Variants in CDH4 observed in about 807,000 individuals in gnomAD.
CDH4 encodes cadherin-4.
In CDH4, 33 loss-of-function variants were observed where a neutral mutation model predicts 86.0. The observed-to-expected ratio is 0.38, with a 90% CI of 0.29 to 0.51. CDH4 has a LOEUF of 0.51. Ranked by LOEUF, CDH4 falls within the 20% of genes least tolerant of loss-of-function variation. The pLI is 0.86. For synonymous variants in CDH4, 555 were observed against 549.4 expected (o/e 1.01, Z -0.14); for missense variants, 1,114 against 1,307.4 (o/e 0.85, Z 2.28).
At chr20:61,609,554 C>T (rs1269866320) in intron 2 of CDH4, among the ~76,000 whole-genome samples, 2 of 152,170 alleles carry the variant, frequency 1.3e-5, no homozygotes, top group Non-Finnish European at 2.9e-5. Context: ...GGAGGGACCT[C>T]TTGGAGAGAA....
At chr20:61,514,379 G>A (rs1184950324) in intron 2 of CDH4, among the ~76,000 whole-genome samples, 2 of 151,314 alleles carry the variant, frequency 1.3e-5, no homozygotes, top group Non-Finnish European at 2.9e-5. Context: ...TCTGGTGGGG[G>A]TCCAGGTTTC....
intron 2 of CDH4, among the ~76,000 whole-genome samples, chr20:61,277,042 C>T (rs1285470855): frequency 6.6e-6 from 1 of 152,184 alleles, no homozygotes; most frequent in Non-Finnish European, 1.5e-5. Flanking sequence ...TTCCCTGTCA[C>T]ACGCCCACCC....
At chr20:61,328,367 G>C (rs1209976825) in intron 2 of CDH4, among the ~76,000 whole-genome samples, 1 of 152,112 alleles carries the variant, frequency 6.6e-6, no homozygotes, top group African/African-American at 2.4e-5. Flanking sequence ...AGTAGAGATG[G>C]GGTTTCACTG....
At chr20:61,551,859 G>C (rs1021156941) in intron 2 of CDH4, among the ~76,000 whole-genome samples, 1 of 152,162 alleles carries the variant, frequency 6.6e-6, no homozygotes, top group Non-Finnish European at 1.5e-5. Context: ...TTTGACAAAG[G>C]TGCCAAAACC....
chr20:61,340,347 G>T (rs2084643503), intron 2 of CDH4, among the ~76,000 whole-genome samples: 1 of 152,222 alleles, frequency 6.6e-6, no homozygotes, highest in Non-Finnish European at 1.5e-5. Flanking sequence ...CAGGGAGCCA[G>T]CTGCCAGCCT....
intron 4 of CDH4, among the ~76,000 whole-genome samples, chr20:61,839,665 GTGTA>G (rs1600701688): frequency 1.3e-5 from 2 of 152,036 alleles, no homozygotes; most frequent in East Asian, 1.9e-4. Context: ...GTTTGTGTAT[GTGTA>G]TGGTGTCTGT....
intron 2 of CDH4, among the ~76,000 whole-genome samples, chr20:61,546,876 G>A (rs2086091190): frequency 1.3e-5 from 2 of 152,268 alleles, no homozygotes; most frequent in South Asian, 4.1e-4. Flanking sequence ...TTGGCTGGGG[G>A]GCTGCACGGG....
intron 2 of CDH4, among the ~76,000 whole-genome samples, chr20:61,583,190 G>A (rs1333628332): frequency 1.9e-5 from 2 of 102,664 alleles, no homozygotes; most frequent in African/African-American, 8.3e-5. Flanking sequence ...AGAGGGCTCT[G>A]CGGAGGGACA....
intron 4 of CDH4, among the ~76,000 whole-genome samples, chr20:61,823,206 T>A (rs1196335235): frequency 1.9e-4 from 2 of 10,556 alleles, no homozygotes; most frequent in Non-Finnish European, 4.2e-4. Flanking sequence ...TTGGCCAGTT[T>A]AAATGGTGTT....
rs568698616 is a variant in CDH4, at chr20:61,934,326, G to C, written c.2544+106G>C. 733 of 1,288,840 alleles carry C rather than the reference G, an allele frequency of 5.7e-4. 5 individuals carry two copies. In the African/African-American group the frequency reaches 9.6e-3, roughly 17 times the overall value. The allele number at this position is 1,288,840 out of a possible 1,614,324, so 79.8% of individuals were successfully genotyped here. On this transcript the variant is annotated intron_variant, in intron 15 of 15. Coordinates refer to ENST00000614565, the MANE Select transcript of CDH4 (RefSeq NM_001794.5). ...TCTCCACAGTGCCGGCGGCTGCCGT[G>C]GGTGGGAGGCAGCTCAGACCCGGGT...
At chr20:61,263,255 G>A (rs2084137912) in intron 2 of CDH4, among the ~76,000 whole-genome samples, 1 of 152,192 alleles carries the variant, frequency 6.6e-6, no homozygotes, top group African/African-American at 2.4e-5. Context: ...GAATTTTGGT[G>A]CCTTTTTGCC....
intron 2 of CDH4, among the ~76,000 whole-genome samples, chr20:61,438,091 A>G (rs548879118): frequency 6.6e-6 from 1 of 152,362 alleles, no homozygotes; most frequent in South Asian, 2.1e-4. Context: ...CCAGTGGGCT[A>G]TCGTCTGCCA....
intron 2 of CDH4, among the ~76,000 whole-genome samples, chr20:61,577,979 C>G (rs1044310705): frequency 3.3e-5 from 5 of 152,144 alleles, no homozygotes; most frequent in African/African-American, 1.2e-4. Context: ...CCCTGAGGCC[C>G]CCTGTCCCCA....
intron 10 of CDH4, 72 bp from the exon 11 acceptor site, chr20:61,924,262 A>G: frequency 6.7e-7 from 1 of 1,485,402 alleles, no homozygotes; most frequent in East Asian, 2.3e-5. Flanking sequence ...GGTGTGGCCA[A>G]GGAGGCCTGG....
At chr20:61,775,497 G>A (rs114161761) in intron 4 of CDH4, among the ~76,000 whole-genome samples, 303 of 152,330 alleles carry the variant, frequency 2.0e-3, no homozygotes, top group African/African-American at 6.2e-3. Flanking sequence ...AGCTTCTGTC[G>A]CTGTGGTGTG....
At chr20:61,717,475 G>C in intron 2 of CDH4, 1 of 115,148 alleles carries the variant, frequency 8.7e-6, no homozygotes, top group East Asian at 5.1e-4. Flanking sequence ...GTTTTTTGTC[G>C]TTGTTTTTTT....
chr20:61,821,691 C>T (rs139244059), intron 4 of CDH4, among the ~76,000 whole-genome samples: 62 of 152,338 alleles, frequency 4.1e-4, no homozygotes, highest in Admixed American at 2.4e-3. Context: ...CTGAAAGACC[C>T]TTGGGGGGGT....
chr20:61,598,326 TCCC>T (rs1463962364), intron 2 of CDH4, among the ~76,000 whole-genome samples: 2 of 141,672 alleles, frequency 1.4e-5, no homozygotes, highest in African/African-American at 5.4e-5. Context: ...CCACCCCTGC[TCCC>T]TACTGGGACC....
chr20:61,819,906 A>G (rs1980926996), intron 4 of CDH4, among the ~76,000 whole-genome samples: 1 of 152,196 alleles, frequency 6.6e-6, no homozygotes, highest in African/African-American at 2.4e-5. Flanking sequence ...AAGGAGACAC[A>G]GGGTGCGGGG....
Sources: gnomAD v4.1 joint callset for allele counts (sites outside exome capture counted in the v4.1 genomes callset) on GRCh38, gnomAD v4.1.1 for gene constraint, MANE v1.5 for transcripts, NCBI Gene and HGNC (gene_info 2026-07-23, HGNC 2026-07-21) for gene names.